The following ABCA8 variants were observed in gnomAD, a reference collection of about 807,000 sequenced individuals.
ABCA8 encodes ATP binding cassette subfamily A member 8, also known as ABC-type organic anion transporter ABCA8.
In ABCA8, 177 loss-of-function variants were observed where a neutral mutation model predicts 192.3. That is an observed-to-expected ratio of 0.92 (90% CI 0.81 to 1.04). ABCA8 has a LOEUF of 1.04. Among genes scored for constraint, ABCA8 ranks in the 50% least tolerant of loss-of-function variants. The pLI, the probability that ABCA8 is intolerant of heterozygous loss-of-function variation, is 0.00. For missense variants in ABCA8, 1,915 were observed against 1,904.8 expected (o/e 1.01, Z -0.10); for synonymous variants, 642 against 690.2 (o/e 0.93, Z 1.09).
At chr17:68,943,721 T>C (rs2068297996) in intron 2 of ABCA8, among the ~76,000 whole-genome samples, 1 of 152,178 alleles carries the variant, frequency 6.6e-6, no homozygotes, top group South Asian at 2.1e-4. Flanking sequence ...ACATGGCTAC[T>C]ATAAAAGCAG....
rs1025807833 is a variant in ABCA8 at position 68,903,384 on chromosome 17, C to T, written c.2514G>A (p.Val838=). ...LNKMRKTIGG[V]ALWRQQICAI... Reference sequence around the variant, plus strand: ...CGCAGATTTGCTGTCGCCAGAGAGCCACACCACCTATTGTCTTTCTCATCT... The same window carrying T: ...CGCAGATTTGCTGTCGCCAGAGAGCTACACCACCTATTGTCTTTCTCATCT... The change falls in exon 20 of 40, where the codon GTG becomes GTA. Residue 838 remains valine (V), a synonymous_variant. Transcript: ENST00000586539. The T allele has an allele frequency of 6.8e-6, 11 of 1,614,064 alleles. No individual in the cohort carries two copies. Among genetic ancestry groups the T allele is most frequent in the Non-Finnish European group, 8.5e-6 (10 of 1,180,030 alleles).
Position 68,924,717 on chromosome 17 carries a change from C to G in ABCA8, c.1426G>C (p.Gly476Arg), listed in dbSNP as rs1352449489. ...CCTTATTACCTGATGGCTTCTTTCC[C>G]TTGGAATTCTGGAGGCGCTTGTTCA... Reference protein sequence around the residue: ...SFEQAPPEFQGKEAIRIRNVT... With the variant: ...SFEQAPPEFQRKEAIRIRNVT... Residue 476 changes from glycine to arginine, a missense_variant, in exon 11 of 40, where the codon GGG becomes CGG. By Grantham distance (125) the Gly-to-Arg change is moderately radical (BLOSUM62 -2). Coordinates refer to ENST00000586539, the MANE Select transcript of ABCA8 (RefSeq NM_001288985.2). The G allele has an allele frequency of 1.2e-6, 2 of 1,613,198 alleles. No individual in the cohort carries two copies. Among genetic ancestry groups the G allele is most frequent in the East Asian group, 2.2e-5 (1 of 44,860 alleles).
intron 18 of ABCA8, among the ~76,000 whole-genome samples, chr17:68,906,533 G>A (rs533611159): frequency 3.9e-5 from 6 of 152,086 alleles, no homozygotes; most frequent in Non-Finnish European, 7.4e-5. Context: ...GATATAAATG[G>A]GAGCCATTTA....
chr17:68,886,418 A>G (rs979850367), intron 26 of ABCA8, among the ~76,000 whole-genome samples: 9 of 151,990 alleles, frequency 5.9e-5, no homozygotes, highest in Non-Finnish European at 8.8e-5. Context: ...CTCTATTTGT[A>G]CCTCATACTT....
chr17:68,925,049 T>C (rs984821542), intron 10 of ABCA8, among the ~76,000 whole-genome samples, 180 bp from the exon 11 acceptor site: 1 of 152,234 alleles, frequency 6.6e-6, no homozygotes, highest in Non-Finnish European at 1.5e-5. Flanking sequence ...CAGATGTCTC[T>C]ACTATAATAA....
chr17:68,947,399 T>C (rs1002766201), intron 2 of ABCA8, among the ~76,000 whole-genome samples: 3 of 152,248 alleles, frequency 2.0e-5, no homozygotes, highest in African/African-American at 7.2e-5. Context: ...AGTTACAGTG[T>C]ACTATAATTT....
chr17:68,888,090 TACAC>T (rs138718372), intron 24 of ABCA8, among the ~76,000 whole-genome samples: 7 of 145,126 alleles, frequency 4.8e-5, no homozygotes, highest in East Asian at 2.0e-4. Context: ...TACACACACA[TACAC>T]ACACACACAC....
chr17:68,939,639 A>T (rs188221333), intron 4 of ABCA8, among the ~76,000 whole-genome samples: 91 of 152,220 alleles, frequency 6.0e-4, no homozygotes, highest in Admixed American at 2.9e-3. Context: ...TGAAGCCAGC[A>T]CACAAAGCTG....
chr17:68,944,359 TACAC>T (rs3046797), intron 2 of ABCA8, among the ~76,000 whole-genome samples: 78 of 69,258 alleles, frequency 1.1e-3, no homozygotes, highest in Non-Finnish European at 1.3e-3. Context: ...TATATATATA[TACAC>T]ATATACATAC....
chr17:68,937,848 C>T lies in ABCA8; in HGVS notation c.302-733G>A, dbSNP rs181528462. Among the ~76,000 whole-genome samples the T allele has an allele frequency of 5.9e-4, 89 of 151,514 alleles. 1 individual carries two copies. The highest frequency in any genetic ancestry group is 5.2e-3 in the South Asian group (25 of 4,786). On this transcript the variant is annotated intron_variant, in intron 4 of 39. Transcript: ENST00000586539. ...ATATTTGTAAAATAAACTTAATAACCATTATTATTATTATTATAGAATATT... is the reference window on the plus strand; with the variant it reads ...ATATTTGTAAAATAAACTTAATAACTATTATTATTATTATTATAGAATATT...
At chr17:68,885,605 TA>T (rs1343133454) in intron 26 of ABCA8, among the ~76,000 whole-genome samples, 2 of 152,038 alleles carry the variant, frequency 1.3e-5, no homozygotes, top group East Asian at 1.9e-4. Context: ...AGAAGTGCAG[TA>T]GCGTGATCAT....
At position 68,894,240 on chromosome 17, in the gene ABCA8, C is replaced by T. The variant is rs767532978; in HGVS notation, c.2969G>A (p.Ser990Asn). The T allele has an allele frequency of 1.2e-6, 2 of 1,613,078 alleles. No individual in the cohort carries two copies. Among genetic ancestry groups the T allele is most frequent in the African/African-American group, 1.3e-5 (1 of 74,882 alleles). ...NCFPVLMDIV[S>N]NGLLGMVKPS... Reference sequence around the variant, plus strand: ...TTTAACCATTCCAAGTAGCCCATTACTAACAATGTCCATAAGAACTGGGAA... The same window carrying T: ...TTTAACCATTCCAAGTAGCCCATTATTAACAATGTCCATAAGAACTGGGAA... The change falls in exon 23 of 40, where the codon AGT (serine) becomes AAT (asparagine). Residue 990 changes from serine (S) to asparagine (N), a missense_variant. Ser to Asn is a conservative substitution (Grantham distance 46). Coordinates refer to ENST00000586539, the MANE Select transcript of ABCA8 (RefSeq NM_001288985.2).
At chr17:68,921,279 A>T (rs1439437310) in intron 13 of ABCA8, 103 bp downstream of exon 13, 2 of 632,730 alleles carry the variant, frequency 3.2e-6, no homozygotes, top group African/African-American at 3.7e-5. Context: ...GCAGCACACC[A>T]ACATGGCACA....
At position 68,917,242 on chromosome 17, in the gene ABCA8, A is replaced by AAAAAC. The variant is rs1567858186; in HGVS notation, c.2138+114_2138+118dup. 6.2e-6 allele frequency: 4 copies of AAAAAC among 649,208 alleles called. 1 individual carries two copies. The South Asian group carries it at 8.9e-5, about 14-fold the overall frequency. 40.2% of individuals were successfully genotyped at this position (649,208 alleles called of 1,614,324 possible). ...GCCGAGATGATCGATACTCCGTCTC[A>AAAAAC]AAAACAAAACAAAACAAAAAATAAC... On this transcript the variant is annotated intron_variant, in intron 17 of 39. Transcript: ENST00000586539.
rs1342039377 is a variant in ABCA8 at position 68,890,881 on chromosome 17, G to A, written c.3144+608C>T. Reference sequence around the variant, plus strand: ...AGCTTTTAACTTTGATGAAGTTCAAGTTATCTTTTTTAAAATAGCATATGC... The same window carrying A: ...AGCTTTTAACTTTGATGAAGTTCAAATTATCTTTTTTAAAATAGCATATGC... On this transcript the variant is annotated intron_variant, in intron 24 of 39. Transcript: ENST00000586539. Among the ~76,000 whole-genome samples, 3 of 152,274 alleles carry A rather than the reference G, an allele frequency of 2.0e-5. 1 individual carries two copies. The highest frequency in any genetic ancestry group is 2.0e-4 in the Admixed American group (3 of 15,292).
rs139501046 is a variant in ABCA8, at chr17:68,923,056, C to T, written c.1443-756G>A. Among the ~76,000 whole-genome samples, 438 of 152,086 alleles carry T rather than the reference C, an allele frequency of 2.9e-3. 3 individuals are homozygous for T. Among genetic ancestry groups the T allele is most frequent in the African/African-American group, 9.8e-3 (408 of 41,490 alleles). ...ACTATTATAGGTCTGGAATTCTAGG[C>T]GATAAATCTGCATGGTTTTATTCTA... On this transcript the variant is annotated intron_variant, in intron 11 of 39. Coordinates refer to ENST00000586539, the MANE Select transcript of ABCA8 (RefSeq NM_001288985.2).
In ABCA8 at chr17:68,916,298, AAT is replaced by A. The variant is rs1273084406; in HGVS notation, c.2138+1061_2138+1062del. ...GATTTTATTACATGTACAATATATTAATATGACTATACAGACTATATTAATAT... is the reference window on the plus strand; with the variant it reads ...GATTTTATTACATGTACAATATATTAATGACTATACAGACTATATTAATAT... On this transcript the variant is annotated intron_variant, in intron 17 of 39. Coordinates refer to ENST00000586539, the MANE Select transcript of ABCA8 (RefSeq NM_001288985.2). Among the ~76,000 whole-genome samples the A allele has an allele frequency of 1.2e-4, 18 of 152,186 alleles. 2 individuals carry two copies. The highest frequency in any genetic ancestry group is 1.1e-3 in the Admixed American group (17 of 15,286).
rs537993906 is a variant in ABCA8 at position 68,917,956 on chromosome 17, G to A, written c.2047+91C>T. ...ATTTACCAGATACAGCTAGATTACCGAATTACAAAATATAACTGTTCAGAG... is the reference window on the plus strand; with the variant it reads ...ATTTACCAGATACAGCTAGATTACCAAATTACAAAATATAACTGTTCAGAG... On this transcript the variant is annotated intron_variant, in intron 16 of 39. Transcript: ENST00000586539. 1.8e-4 allele frequency: 268 copies of A among 1,465,510 alleles called. 1 individual carries two copies. The African/African-American group carries it at 3.3e-3, about 18-fold the overall frequency. The allele number at this position is 1,465,510 out of a possible 1,614,324, so 90.8% of individuals were successfully genotyped here. A position where few individuals can be genotyped will look rare whatever the true frequency, so the allele number is the denominator to read the frequency against.
chr17:68,881,553 C>G (rs1242844308), intron 31 of ABCA8, among the ~76,000 whole-genome samples: 1 of 152,236 alleles, frequency 6.6e-6, no homozygotes, highest in South Asian at 2.1e-4. Flanking sequence ...AGTGTGCTAG[C>G]ACATCTTGGT....
Sources: allele counts gnomAD v4.1 joint callset (sites outside exome capture counted in the v4.1 genomes callset), GRCh38; gene constraint gnomAD v4.1.1; transcripts MANE v1.5; gene names NCBI Gene and HGNC (gene_info 2026-07-23, HGNC 2026-07-21).